Variants in BCL11A observed in about 807,000 individuals in gnomAD.
BCL11A encodes B cell CLL/lymphoma 11A.
Under a neutral mutation model 55.9 loss-of-function variants are expected in BCL11A, and 2 were observed. The ratio of observed to expected loss-of-function variants is 0.04; its 90% CI spans 0.01 to 0.11. The LOEUF (loss-of-function observed/expected upper bound fraction) is 0.11, where lower values mean the gene tolerates loss of function less well. BCL11A is among the 10% of genes least tolerant of loss of function. The pLI, the probability that BCL11A is intolerant of heterozygous loss-of-function variation, is 1.00. For synonymous variants in BCL11A, 465 were observed against 473.4 expected (o/e 0.98, Z 0.23); for missense variants, 817 against 1,137.1 (o/e 0.72, Z 4.05).
intron 1 of BCL11A, among the ~76,000 whole-genome samples, chr2:60,549,367 CT>C: frequency 6.6e-6 from 1 of 152,324 alleles, no homozygotes; most frequent in Non-Finnish European, 1.5e-5. Flanking sequence ...TTCAAGTTTG[CT>C]TTCCAAGTCC....
At chr2:60,531,011 CATG>C (rs1351104691) in intron 2 of BCL11A, among the ~76,000 whole-genome samples, 1 of 152,214 alleles carries the variant, frequency 6.6e-6, no homozygotes, top group East Asian at 1.9e-4. Context: ...CTGGCTACAC[CATG>C]GCCAGGGAGA....
At chr2:60,513,692 A>T (rs1668591648) in intron 2 of BCL11A, among the ~76,000 whole-genome samples, 1 of 152,152 alleles carries the variant, frequency 6.6e-6, no homozygotes, top group African/African-American at 2.4e-5. Context: ...CCTGATCAGG[A>T]CTGAAAAAAG....
At chr2:60,509,036 C>T (rs1679822363) in intron 2 of BCL11A, among the ~76,000 whole-genome samples, 1 of 152,226 alleles carries the variant, frequency 6.6e-6, no homozygotes, top group African/African-American at 2.4e-5. Context: ...TAGAGGACCT[C>T]CTCCAAAGAA....
intron 2 of BCL11A, among the ~76,000 whole-genome samples, chr2:60,500,379 G>A (rs887375298): frequency 2.0e-5 from 3 of 152,290 alleles, no homozygotes; most frequent in Middle Eastern, 6.8e-3. Flanking sequence ...ACCATTAACC[G>A]TGCCTCTGTG....
chr2:60,546,357 G>T lies in BCL11A; in HGVS notation c.56-57C>A, dbSNP rs1670157766. 1 of 1,474,696 alleles carries T rather than the reference G, an allele frequency of 6.8e-7. No individual in the cohort carries two copies. Among genetic ancestry groups the T allele is most frequent in the Non-Finnish European group, 9.3e-7 (1 of 1,071,124 alleles). 91.4% of individuals were successfully genotyped at this position (1,474,696 alleles called of 1,614,324 possible). On this transcript the variant is annotated intron_variant, in intron 1 of 3. Transcript: ENST00000642384. This position sits in a 1 kb window ranked among gnomAD's most constrained non-coding sequence, Gnocchi z 4.1. ...AGAGTGCCAGAGAGGACAGAAAGGG[G>T]AGAAGCACATCTCAACCCCATGCCA...
At chr2:60,521,066 AGC>A (rs1668957417) in intron 2 of BCL11A, among the ~76,000 whole-genome samples, 1 of 120,696 alleles carries the variant, frequency 8.3e-6, no homozygotes, top group African/African-American at 3.4e-5. Context: ...CCTAGTGGTC[AGC>A]ACACACACAC....
intron 2 of BCL11A, among the ~76,000 whole-genome samples, chr2:60,530,992 T>G (rs1669429507): frequency 6.6e-6 from 1 of 152,224 alleles, no homozygotes; most frequent in Non-Finnish European, 1.5e-5. Context: ...TTCTGTCTGC[T>G]AAACCAGTCT....
Position 60,460,722 on chromosome 2 carries a change from C to A in BCL11A, c.2190G>T (p.Pro730=), listed in dbSNP as rs770188408. The stretch of plus-strand genomic sequence containing the variant: ...TGCCCTCTTTTGAGCTGGGCCTGCC[C>A]GGGCCCGGACCACTAATATGGGGCG... ...GSTPHISGPG[P]GRPSSKEGRR... Residue 730 remains proline (P), a synonymous_variant, in exon 4 of 4, where the codon CCG becomes CCT. Transcript: ENST00000642384. The A allele has an allele frequency of 6.2e-7, 1 of 1,614,156 alleles. No homozygotes were observed. Among genetic ancestry groups the A allele is most frequent in the Non-Finnish European group, 8.5e-7 (1 of 1,180,050 alleles).
intron 1 of BCL11A, among the ~76,000 whole-genome samples, chr2:60,551,816 C>T (rs1474965951): frequency 6.7e-6 from 1 of 150,278 alleles, no homozygotes; most frequent in Non-Finnish European, 1.5e-5. Context: ...TGGGCTGGGG[C>T]GCGGCGAGGT....
At chr2:60,528,105 G>A (rs1466944553) in intron 2 of BCL11A, 1 of 152,542 alleles carries the variant, frequency 6.6e-6, no homozygotes, top group East Asian at 1.9e-4. Context: ...CCTCGAAGCA[G>A]ATTATGACCC....
At chr2:60,508,465 A>G (rs1679771319) in intron 2 of BCL11A, 1 of 152,254 alleles carries the variant, frequency 6.6e-6, no homozygotes, top group South Asian at 2.1e-4. Context: ...TCCCTAGCAC[A>G]TTACCTAGTT....
intron 2 of BCL11A, among the ~76,000 whole-genome samples, chr2:60,491,649 C>G (rs948064879): frequency 1.9e-4 from 27 of 143,450 alleles, no homozygotes; most frequent in African/African-American, 6.5e-4. Context: ...CCAGCCCGGG[C>G]AACAAGAGTA....
At chr2:60,481,237 C>T (rs1677938205) in intron 2 of BCL11A, among the ~76,000 whole-genome samples, 1 of 152,120 alleles carries the variant, frequency 6.6e-6, no homozygotes, top group African/African-American at 2.4e-5. Context: ...CCTCCCAGCA[C>T]CCCATTCCCA....
chr2:60,452,393 AAAAATATAAAT>A (rs1481014286), downstream of BCL11A: 1 of 539,478 alleles, frequency 1.9e-6, no homozygotes, highest in African/African-American at 1.9e-5. Context: ...CTTTTTATTA[AAAAATATAAAT>A]AAAATGGCGC....
chr2:60,547,470 G>T, intron 1 of BCL11A, among the ~76,000 whole-genome samples: 1 of 149,296 alleles, frequency 6.7e-6, no homozygotes, highest in South Asian at 2.1e-4. Flanking sequence ...GGAAAAGAGA[G>T]TTGGTAAGTC....
chr2:60,453,554 T>TG (rs1675814217), downstream of BCL11A, among the ~76,000 whole-genome samples: 1 of 152,206 alleles, frequency 6.6e-6, no homozygotes, highest in Non-Finnish European at 1.5e-5. Flanking sequence ...AGCGGAGACC[T>TG]GGGCTGAGGG....
chr2:60,452,389 A>G (rs1675759755), downstream of BCL11A: 3 of 532,586 alleles, frequency 5.6e-6, no homozygotes, highest in Admixed American at 6.4e-5. Context: ...TTTACTTTTT[A>G]TTAAAAAATA....
chr2:60,467,780 GTGTTGA>G, intron 3 of BCL11A, among the ~76,000 whole-genome samples: 1 of 102,716 alleles, frequency 9.7e-6, no homozygotes. Context: ...GGAGATGGTG[GTGTTGA>G]TGGTGATGGT....
intron 1 of BCL11A, among the ~76,000 whole-genome samples, chr2:60,549,255 A>C (rs1252719819): frequency 6.6e-6 from 1 of 152,200 alleles, no homozygotes; most frequent in East Asian, 1.9e-4. Flanking sequence ...CAAAAGAATA[A>C]ATTTAAGGGA....
Sources: allele counts gnomAD v4.1 joint callset (sites outside exome capture counted in the v4.1 genomes callset), GRCh38; gene constraint gnomAD v4.1.1; non-coding constraint Gnocchi (gnomAD v3.1); transcripts MANE v1.5; gene names NCBI Gene and HGNC (gene_info 2026-07-23, HGNC 2026-07-21).